Variants in SPHKAP observed in about 807,000 individuals in gnomAD.
SPHKAP encodes the protein A-kinase anchor protein SPHKAP.
A neutral mutation model predicts 137.5 loss-of-function variants in SPHKAP; 67 were observed. The ratio of observed to expected loss-of-function variants is 0.49; its 90% CI spans 0.40 to 0.60. The LOEUF is 0.60. Ranked by LOEUF, SPHKAP falls within the 20% of genes least tolerant of loss-of-function variation. The pLI, the probability that SPHKAP is intolerant of heterozygous loss-of-function variation, is 0.00. For synonymous variants in SPHKAP, 813 were observed against 785.3 expected, an observed-to-expected ratio of 1.04 and a Z score of -0.59; for missense variants, 2,097 against 2,069.3, an observed-to-expected ratio of 1.01 and a Z score of -0.26.
chr2:228,111,471 T>C (rs1052617425), intron 2 of SPHKAP, among the ~76,000 whole-genome samples: 4 of 152,198 alleles, frequency 2.6e-5, no homozygotes, highest in Non-Finnish European at 5.9e-5. Flanking sequence ...TTGGATGCCT[T>C]CTGTCTGAAA....
In SPHKAP at chr2:228,018,738, T is replaced by C; in HGVS notation, c.2116A>G (p.Met706Val). 1 of 1,614,196 alleles carries C rather than the reference T, an allele frequency of 6.2e-7. No homozygotes were observed. The change falls in exon 7 of 12, where the codon ATG (methionine) becomes GTG (valine). Residue 706 changes from methionine to valine, a missense_variant. Met to Val is a conservative substitution (Grantham distance 21). Coordinates refer to ENST00000392056, the MANE Select transcript of SPHKAP (RefSeq NM_001142644.2). ...RHSSEILDTL[M>V]ESTNQLLLDV... is the part of the protein sequence containing the mutation. ...AAAAGCAGTTGATTTGTACTTTCCA[T>C]TAAGGTGTCCAGAATTTCAGATGAA... is the stretch of plus-strand genomic sequence containing the variant.
intron 8 of SPHKAP, among the ~76,000 whole-genome samples, chr2:227,994,723 G>A (rs1052356525): frequency 2.0e-5 from 3 of 152,096 alleles, no homozygotes; most frequent in African/African-American, 7.2e-5. Context: ...AGTTCTCTTT[G>A]CTTTTTGTTT....
intron 3 of SPHKAP, among the ~76,000 whole-genome samples, chr2:228,103,437 C>G (rs533991850): frequency 6.6e-6 from 1 of 152,140 alleles, no homozygotes; most frequent in African/African-American, 2.4e-5. Flanking sequence ...TCTGCACCCA[C>G]GTAAGGGGGA....
intron 3 of SPHKAP, among the ~76,000 whole-genome samples, chr2:228,036,186 G>GA (rs1424027404): frequency 6.7e-6 from 1 of 149,852 alleles, no homozygotes; most frequent in Non-Finnish European, 1.5e-5. Flanking sequence ...AAATTTACAA[G>GA]AAAAAAACAA....
chr2:228,017,349 G>A lies in SPHKAP; in HGVS notation c.3505C>T (p.Arg1169Trp), dbSNP rs751157752. The change falls in exon 7 of 12, where the codon CGG (arginine) becomes TGG (tryptophan). Residue 1169 changes from arginine (R) to tryptophan (W), a missense_variant. By Grantham distance (101) the Arg-to-Trp change is moderately radical. Transcript: ENST00000392056. ...ILNSAMQQACRKSDHLSVRPS... is the reference protein window; with the variant it reads ...ILNSAMQQACWKSDHLSVRPS... ...CTCACACTGAGGTGGTCACTTTTCCGGCACGCCTGTTGCATGGCTGAGTTC... is the reference window on the plus strand; with the variant it reads ...CTCACACTGAGGTGGTCACTTTTCCAGCACGCCTGTTGCATGGCTGAGTTC... 20 of 1,613,588 alleles carry A rather than the reference G, an allele frequency of 1.2e-5. No individual in the cohort carries two copies. The highest frequency in any genetic ancestry group is 2.2e-5 in the East Asian group (1 of 44,888).
chr2:228,113,195 C>A (rs1698573579), intron 2 of SPHKAP, among the ~76,000 whole-genome samples: 1 of 151,830 alleles, frequency 6.6e-6, no homozygotes, highest in Non-Finnish European at 1.5e-5. Context: ...TATATTTTTC[C>A]ATAAATTTCA....
chr2:228,031,043 G>T (rs148882477), intron 3 of SPHKAP, among the ~76,000 whole-genome samples: 1 of 152,174 alleles, frequency 6.6e-6, no homozygotes, highest in Non-Finnish European at 1.5e-5. Flanking sequence ...GCAGCGCACC[G>T]TGCATGAGCC....
At chr2:228,088,992 T>C (rs1293758867) in intron 3 of SPHKAP, among the ~76,000 whole-genome samples, 1 of 152,182 alleles carries the variant, frequency 6.6e-6, no homozygotes, top group Non-Finnish European at 1.5e-5. Flanking sequence ...GGCATTGCTA[T>C]AAAGATACCT....
rs557057236 is a variant in SPHKAP at position 228,018,108 on chromosome 2, G to A, written c.2746C>T (p.Leu916Phe). 92 of 1,614,168 alleles carry A rather than the reference G, an allele frequency of 5.7e-5. 1 individual carries two copies. In the South Asian group the frequency reaches 9.8e-4, roughly 17 times the overall value. ...DDLLLPAQST[L>F]QTKHPDIYCI... is the part of the protein sequence containing the mutation. ...TAGATGTCTGGATGCTTTGTTTGAA[G>A]CGTGGATTGAGCAGGAAGCAGCAGG... is the stretch of plus-strand genomic sequence containing the variant. The change falls in exon 7 of 12, where the codon CTT becomes TTT. Residue 916 changes from leucine (L) to phenylalanine (F), a missense_variant. Coordinates refer to ENST00000392056, the MANE Select transcript of SPHKAP (RefSeq NM_001142644.2).
intron 4 of SPHKAP, among the ~76,000 whole-genome samples, chr2:228,027,272 T>C (rs952882674): frequency 8.5e-5 from 13 of 152,190 alleles, no homozygotes; most frequent in Non-Finnish European, 1.9e-4. Context: ...TGTGCCTGTT[T>C]GGACAGTTCT....
At chr2:228,125,517 G>A (rs1380517288) in intron 2 of SPHKAP, among the ~76,000 whole-genome samples, 2 of 152,152 alleles carry the variant, frequency 1.3e-5, no homozygotes, top group African/African-American at 4.8e-5. Flanking sequence ...AGTCAGACAG[G>A]TTACATCACC....
intron 1 of SPHKAP, among the ~76,000 whole-genome samples, chr2:228,151,083 C>G (rs62201114): frequency 2.9e-5 from 4 of 139,596 alleles, no homozygotes; most frequent in Admixed American, 1.6e-4. Flanking sequence ...TCCCTCCCCG[C>G]TCCCCCCACC....
chr2:228,092,488 TGTGCC>T (rs1384584001), intron 3 of SPHKAP, among the ~76,000 whole-genome samples: 16 of 63,330 alleles, frequency 2.5e-4, no homozygotes, highest in East Asian at 1.7e-3. Context: ...TATACATATA[TGTGCC>T]ATATATATGT....
chr2:228,108,768 C>A, intron 3 of SPHKAP, 64 bp downstream of exon 3: 1 of 1,137,696 alleles, frequency 8.8e-7, no homozygotes, highest in Non-Finnish European at 1.3e-6. Context: ...TGGTCCTAAA[C>A]ATGGGTACAT....
rs528363386 is a variant in SPHKAP at position 228,084,111 on chromosome 2, A to G, written c.246+24721T>C. On this transcript the variant is annotated intron_variant, in intron 3 of 11. Coordinates refer to ENST00000392056, the MANE Select transcript of SPHKAP (RefSeq NM_001142644.2). The stretch of plus-strand genomic sequence containing the variant: ...AACTTAAAGTAAAAAAGAAGAAGAA[A>G]AAAAAAAAAAGAAATGATGCCTACT... 3.4e-3 allele frequency among the ~76,000 whole-genome samples: 510 copies of G among 152,012 alleles called. 2 individuals carry two copies. Among genetic ancestry groups the G allele is most frequent in the African/African-American group, 0.01 (420 of 41,498 alleles).
Position 228,027,960 on chromosome 2 carries a change from G to A in SPHKAP, c.247-417C>T, listed in dbSNP as rs1466789692. On this transcript the variant is annotated intron_variant, in intron 3 of 11. Coordinates refer to ENST00000392056, the MANE Select transcript of SPHKAP (RefSeq NM_001142644.2). ...CTGGCGACAGTGTGAGACTGCATCT[G>A]AAAAAAAAAAAAAAAAGAAAAAAGA... The A allele has an allele frequency of 4.8e-5, 39 of 805,254 alleles. No homozygotes were observed. The East Asian group carries it at 5.8e-4, about 12-fold the overall frequency. The allele number at this position is 805,254 out of a possible 1,614,324, so 49.9% of individuals were successfully genotyped here. A position where few individuals can be genotyped will look rare whatever the true frequency, so the allele number is the denominator to read the frequency against.
intron 7 of SPHKAP, among the ~76,000 whole-genome samples, chr2:228,010,200 A>C (rs1223396702): frequency 6.6e-6 from 1 of 152,146 alleles, no homozygotes; most frequent in Non-Finnish European, 1.5e-5. Context: ...CAATGTATGA[A>C]ATCAGTTGTT....
chr2:228,115,946 A>T (rs1688521659), intron 2 of SPHKAP, among the ~76,000 whole-genome samples: 1 of 152,162 alleles, frequency 6.6e-6, no homozygotes, highest in South Asian at 2.1e-4. Context: ...TAGTGCCCTT[A>T]TAAAAAAAGG....
intron 9 of SPHKAP, 34 bp from the exon 10 acceptor site, chr2:227,991,360 T>C (rs1430581376): frequency 4.3e-6 from 7 of 1,613,902 alleles, no homozygotes; most frequent in Non-Finnish European, 5.9e-6. Context: ...TGGTTGGTAA[T>C]GTTTAGAAGA....
Sources: gnomAD v4.1 joint callset for allele counts (sites outside exome capture counted in the v4.1 genomes callset) on GRCh38, gnomAD v4.1.1 for gene constraint, MANE v1.5 for transcripts, NCBI Gene and HGNC (gene_info 2026-07-23, HGNC 2026-07-21) for gene names.